The following PGAP4 variants were observed in gnomAD, a reference collection of about 807,000 sequenced individuals.
PGAP4 encodes post-GPI attachment to proteins GalNAc transferase 4, also known as GPI-N-acetylgalactosamine transferase PGAP4.
In PGAP4, 12 loss-of-function variants were observed where a neutral mutation model predicts 28.2. That is an observed-to-expected ratio of 0.42 (90% CI 0.27 to 0.69). The LOEUF is 0.69. Ranked by LOEUF, PGAP4 falls within the 30% of genes least tolerant of loss-of-function variation. PGAP4 has a pLI of 0.22. For synonymous variants in PGAP4, 205 were observed against 211.8 expected, an observed-to-expected ratio of 0.97 and a Z score of 0.28; for missense variants, 425 against 513.5, an observed-to-expected ratio of 0.83 and a Z score of 1.67.
intron 2 of PGAP4, among the ~76,000 whole-genome samples, chr9:101,500,782 T>C (rs1428759555): frequency 6.6e-6 from 1 of 152,052 alleles, no homozygotes; most frequent in African/African-American, 2.4e-5. Flanking sequence ...TTAGTCTGCA[T>C]TTCTGGTTTG....
At chr9:101,481,638 C>T (rs1826491554) in intron 1 of PGAP4, 1 of 152,154 alleles carries the variant, frequency 6.6e-6, no homozygotes, top group Non-Finnish European at 1.5e-5. Context: ...TGAACTAGGG[C>T]TTAGATGAAT....
At chr9:101,492,216 C>T (rs956082696) in intron 2 of PGAP4, among the ~76,000 whole-genome samples, 61 of 150,494 alleles carry the variant, frequency 4.1e-4, no homozygotes, top group African/African-American at 1.1e-3. Context: ...TTTTTTGAGA[C>T]GGAGTCTCGC....
intron 2 of PGAP4, among the ~76,000 whole-genome samples, chr9:101,515,646 G>A (rs917873785): frequency 4.6e-5 from 7 of 151,722 alleles, no homozygotes; most frequent in Non-Finnish European, 1.0e-4. Flanking sequence ...AGAAATTTTT[G>A]TCAAAATATT....
At chr9:101,497,540 G>C (rs1366903921) in intron 2 of PGAP4, among the ~76,000 whole-genome samples, 1 of 151,368 alleles carries the variant, frequency 6.6e-6, no homozygotes, top group Non-Finnish European at 1.5e-5. Flanking sequence ...GCCAAACCCT[G>C]ACACCTTAAT....
At chr9:101,525,803 C>T (rs2118636560) in intron 2 of PGAP4, among the ~76,000 whole-genome samples, 1 of 151,282 alleles carries the variant, frequency 6.6e-6, no homozygotes, top group South Asian at 2.1e-4. Context: ...TCTTATATTT[C>T]AGTGTTAAGA....
At chr9:101,529,698 G>T (rs1827070075) in intron 2 of PGAP4, among the ~76,000 whole-genome samples, 1 of 152,180 alleles carries the variant, frequency 6.6e-6, no homozygotes, top group African/African-American at 2.4e-5. Context: ...GGAGGCAGGG[G>T]TATGGAAATG....
At chr9:101,481,201 A>C (rs981823033) in intron 1 of PGAP4, among the ~76,000 whole-genome samples, 3 of 151,972 alleles carry the variant, frequency 2.0e-5, no homozygotes, top group South Asian at 4.1e-4. Context: ...CAAACACACA[A>C]ACAAAAAAAG....
intron 1 of PGAP4, among the ~76,000 whole-genome samples, chr9:101,477,649 A>T (rs77264315): frequency 0.014 from 2,175 of 152,296 alleles, 42 homozygotes; most frequent in African/African-American, 0.049. Context: ...TCCAAAAAAA[A>T]CTTGTCCAAC....
intron 2 of PGAP4, among the ~76,000 whole-genome samples, chr9:101,507,630 C>G (rs930654256): frequency 4.1e-4 from 63 of 152,132 alleles, no homozygotes; most frequent in African/African-American, 1.5e-3. Flanking sequence ...AATAACAAAG[C>G]TCCCCTGCTT....
chr9:101,513,488 A>G (rs1335541683), intron 2 of PGAP4, among the ~76,000 whole-genome samples: 1 of 152,194 alleles, frequency 6.6e-6, no homozygotes, highest in Non-Finnish European at 1.5e-5. Context: ...ATTTTTAACA[A>G]AAGAACATGA....
chr9:101,527,149 G>A (rs1043947483), intron 2 of PGAP4, among the ~76,000 whole-genome samples: 2 of 152,230 alleles, frequency 1.3e-5, no homozygotes, highest in Admixed American at 6.5e-5. Flanking sequence ...CAGGGTTGAC[G>A]AGGATGGCAG....
intron 2 of PGAP4, among the ~76,000 whole-genome samples, chr9:101,529,479 T>C (rs1827067233): frequency 6.6e-6 from 1 of 152,268 alleles, no homozygotes; most frequent in African/African-American, 2.4e-5. Flanking sequence ...TAAGAGAGCA[T>C]TAAACTAAAT....
rs190234885 is a variant in PGAP4, at chr9:101,507,010, T to C, written c.-164-17810A>G. ...CTCCCAAATTCTAAGTGGTTTACAG[T>C]GGTATACCTATGATTAACCTTCCTT... is the stretch of plus-strand genomic sequence containing the variant. On this transcript the variant is annotated intron_variant, in intron 2 of 3. Coordinates refer to the PGAP4 transcript ENST00000374851. Among the ~76,000 whole-genome samples the C allele has an allele frequency of 1.4e-4, 22 of 152,230 alleles. No homozygotes were observed. In the East Asian group the frequency reaches 4.3e-3, roughly 29 times the overall value.
At chr9:101,528,157 T>C (rs573957148) in intron 2 of PGAP4, among the ~76,000 whole-genome samples, 10 of 152,384 alleles carry the variant, frequency 6.6e-5, no homozygotes. Context: ...TGCCCTTCTT[T>C]TATTTTTCCA....
intron 2 of PGAP4, among the ~76,000 whole-genome samples, chr9:101,498,549 G>T (rs1464645575): frequency 6.6e-6 from 1 of 151,052 alleles, no homozygotes; most frequent in Non-Finnish European, 1.5e-5. Context: ...TGAGATAGCA[G>T]TGAGTTTTAT....
chr9:101,484,489 A>C (rs1274918241), intron 1 of PGAP4, among the ~76,000 whole-genome samples: 2 of 152,180 alleles, frequency 1.3e-5, no homozygotes, highest in African/African-American at 4.8e-5. Context: ...CCCAGCCAAA[A>C]TTCGTGTTAT....
chr9:101,480,646 C>T (rs1826457537), intron 1 of PGAP4: 1 of 152,160 alleles, frequency 6.6e-6, no homozygotes, highest in Non-Finnish European at 1.5e-5. Flanking sequence ...GCATTTTGAA[C>T]ATTAATGCAA....
At chr9:101,477,556 A>C (rs1290096546) in intron 1 of PGAP4, among the ~76,000 whole-genome samples, 1 of 152,224 alleles carries the variant, frequency 6.6e-6, no homozygotes, top group Non-Finnish European at 1.5e-5. Flanking sequence ...AAGGCTTGGC[A>C]CAAAGGAAAT....
chr9:101,500,411 A>G (rs1395783868), intron 2 of PGAP4, among the ~76,000 whole-genome samples: 2 of 152,034 alleles, frequency 1.3e-5, no homozygotes, highest in Non-Finnish European at 2.9e-5. Context: ...TGTGACTACT[A>G]ACTCTGACTC....
Sources: allele counts gnomAD v4.1 joint callset (sites outside exome capture counted in the v4.1 genomes callset), GRCh38; gene constraint gnomAD v4.1.1; transcripts MANE v1.5; gene names NCBI Gene and HGNC (gene_info 2026-07-23, HGNC 2026-07-21).